The following STXBP5L variants were observed in gnomAD, a reference collection of about 807,000 sequenced individuals.
STXBP5L encodes the protein syntaxin-binding protein 5-like.
Under a neutral mutation model 144.5 loss-of-function variants are expected in STXBP5L, and 65 were observed. The observed-to-expected ratio is 0.45, with a 90% confidence interval of 0.37 to 0.55. The LOEUF is 0.55. STXBP5L is among the 20% of genes least tolerant of loss of function. The probability of loss-of-function intolerance (pLI) is 0.00; values close to 1 mark genes in which losing one functional copy is unlikely to be tolerated. For missense variants in STXBP5L, 1,298 were observed against 1,405.5 expected (o/e 0.92, Z 1.22); for synonymous variants, 505 against 469.6 (o/e 1.08, Z -0.97).
chr3:121,172,148 A>G (rs1559821727), intron 9 of STXBP5L, among the ~76,000 whole-genome samples: 1 of 152,220 alleles, frequency 6.6e-6, no homozygotes, highest in Non-Finnish European at 1.5e-5. Flanking sequence ...GCTAACTGAA[A>G]CTGGACCCCT....
chr3:121,290,145 C>A (rs141237651), intron 19 of STXBP5L, among the ~76,000 whole-genome samples: 19 of 152,012 alleles, frequency 1.2e-4, no homozygotes, highest in African/African-American at 4.1e-4. Context: ...ACAAAATTGA[C>A]AGAACATTAA....
intron 5 of STXBP5L, among the ~76,000 whole-genome samples, chr3:121,107,807 T>C (rs1225549551): frequency 6.6e-6 from 1 of 152,224 alleles, no homozygotes; most frequent in African/African-American, 2.4e-5. Context: ...TTAGGCAGTA[T>C]GGCCATTTTC....
chr3:121,293,586 G>T (rs994253240), intron 19 of STXBP5L, among the ~76,000 whole-genome samples: 7 of 152,194 alleles, frequency 4.6e-5, no homozygotes, highest in African/African-American at 1.2e-4. Context: ...TAGGCCAGGT[G>T]CGGTGGCTCA....
At chr3:120,988,581 TTTG>T (rs1235145421) in intron 3 of STXBP5L, among the ~76,000 whole-genome samples, 12 of 152,100 alleles carry the variant, frequency 7.9e-5, no homozygotes, top group African/African-American at 2.7e-4. Flanking sequence ...ATGTTGTTCT[TTTG>T]TTGGATGAAA....
At chr3:121,310,376 C>T (rs752480582) in intron 19 of STXBP5L, among the ~76,000 whole-genome samples, 5 of 151,832 alleles carry the variant, frequency 3.3e-5, no homozygotes, top group African/African-American at 9.7e-5. Flanking sequence ...TTTGGGAGGC[C>T]GAGGCGGGTG....
chr3:121,008,632 C>G (rs115723956), intron 3 of STXBP5L, among the ~76,000 whole-genome samples: 1 of 151,988 alleles, frequency 6.6e-6, no homozygotes, highest in Non-Finnish European at 1.5e-5. Context: ...TGGTTCCTTA[C>G]AATGGTTTAA....
At chr3:120,992,607 C>T (rs1030430460) in intron 3 of STXBP5L, among the ~76,000 whole-genome samples, 1 of 152,052 alleles carries the variant, frequency 6.6e-6, no homozygotes, top group African/African-American at 2.4e-5. Context: ...GCAGTTCTAT[C>T]CATGCTGCTG....
intron 20 of STXBP5L, among the ~76,000 whole-genome samples, chr3:121,374,196 A>G (rs555072173): frequency 6.6e-6 from 1 of 152,282 alleles, no homozygotes; most frequent in East Asian, 1.9e-4. Flanking sequence ...GACATCTCCA[A>G]TACTGATTAC....
intron 3 of STXBP5L, among the ~76,000 whole-genome samples, chr3:121,008,675 C>G (rs761471350): frequency 1.3e-5 from 2 of 151,932 alleles, no homozygotes; most frequent in Non-Finnish European, 2.9e-5. Context: ...AGGCTGCTAG[C>G]TTTTAGCTTA....
chr3:121,132,140 A>G (rs1317606711), intron 7 of STXBP5L, among the ~76,000 whole-genome samples: 1 of 152,196 alleles, frequency 6.6e-6, no homozygotes, highest in African/African-American at 2.4e-5. Flanking sequence ...AGCTGCCTAG[A>G]CAAGAATGGA....
rs143277082 is a variant in STXBP5L at position 121,163,043 on chromosome 3, G to A, written c.877+5416G>A. Among the ~76,000 whole-genome samples the A allele has an allele frequency of 3.1e-3, 475 of 152,226 alleles. 5 individuals carry two copies. Among genetic ancestry groups the A allele is most frequent in the African/African-American group, 0.011 (449 of 41,552 alleles). On this transcript the variant is annotated intron_variant, in intron 9 of 26. Coordinates refer to ENST00000471454, the MANE Select transcript of STXBP5L (RefSeq NM_001308330.2). Reference sequence around the variant, plus strand: ...CCTCAAGAATCTAGAACCAGAAATAGCATTTGACCCAGCAATCCCATTACT... The same window carrying A: ...CCTCAAGAATCTAGAACCAGAAATAACATTTGACCCAGCAATCCCATTACT...
chr3:121,091,456 T>G (rs932619986), intron 5 of STXBP5L, among the ~76,000 whole-genome samples: 1 of 152,090 alleles, frequency 6.6e-6, no homozygotes, highest in Non-Finnish European at 1.5e-5. Flanking sequence ...CCCTGACTTT[T>G]TAATGATTGC....
intron 3 of STXBP5L, among the ~76,000 whole-genome samples, chr3:121,040,062 C>T (rs1947041946): frequency 6.6e-6 from 1 of 151,890 alleles, no homozygotes; most frequent in Admixed American, 6.6e-5. Flanking sequence ...AAATGTTTTA[C>T]TATCTCTGTC....
At chr3:121,063,087 A>C (rs1055078067) in intron 5 of STXBP5L, among the ~76,000 whole-genome samples, 1 of 152,126 alleles carries the variant, frequency 6.6e-6, no homozygotes, top group African/African-American at 2.4e-5. Flanking sequence ...CAGAAGAGTC[A>C]TTCTGGTTCT....
At chr3:121,336,661 A>T (rs552645387) in intron 20 of STXBP5L, among the ~76,000 whole-genome samples, 1 of 152,258 alleles carries the variant, frequency 6.6e-6, no homozygotes, top group East Asian at 1.9e-4. Flanking sequence ...TGTTGGTGGG[A>T]GTGTAAATTA....
At chr3:121,095,671 C>A (rs781664864) in intron 5 of STXBP5L, among the ~76,000 whole-genome samples, 12 of 152,256 alleles carry the variant, frequency 7.9e-5, no homozygotes, top group Non-Finnish European at 1.8e-4. Flanking sequence ...ATTGGTTATT[C>A]TAGTTAGCCA....
chr3:120,927,687 C>T (rs570284554), intron 2 of STXBP5L, among the ~76,000 whole-genome samples: 1 of 152,080 alleles, frequency 6.6e-6, no homozygotes, highest in Non-Finnish European at 1.5e-5. Flanking sequence ...GGAGTTTTTT[C>T]ACTTCCCTGT....
At chr3:121,001,711 G>A (rs932308003) in intron 3 of STXBP5L, among the ~76,000 whole-genome samples, 3 of 152,150 alleles carry the variant, frequency 2.0e-5, no homozygotes, top group Admixed American at 2.0e-4. Flanking sequence ...CTAGTGCTCT[G>A]CAACCCTGTA....
At chr3:121,300,229 A>G (rs1251067518) in intron 19 of STXBP5L, among the ~76,000 whole-genome samples, 1 of 152,112 alleles carries the variant, frequency 6.6e-6, no homozygotes. Flanking sequence ...TAGCAAAAAT[A>G]TCATTCAAAA....
Sources: allele counts gnomAD v4.1 joint callset (sites outside exome capture counted in the v4.1 genomes callset), GRCh38; gene constraint gnomAD v4.1.1; transcripts MANE v1.5; gene names NCBI Gene and HGNC (gene_info 2026-07-23, HGNC 2026-07-21).